MYBPC1: variants seen among roughly 807,000 people sequenced by gnomAD.
MYBPC1 encodes the protein myosin-binding protein C, slow-type.
MYBPC1 carries 52 observed loss-of-function variants against 147.1 expected under a neutral mutation model. The ratio of observed to expected loss-of-function variants is 0.35; its 90% CI spans 0.28 to 0.45. The LOEUF is 0.45. Ranked by LOEUF, MYBPC1 falls within the 20% of genes least tolerant of loss-of-function variation. The probability of loss-of-function intolerance (pLI) is 1.00; values close to 1 mark genes in which losing one functional copy is unlikely to be tolerated. For missense variants in MYBPC1, 1,228 were observed against 1,440.3 expected (o/e 0.85, Z 2.39); for synonymous variants, 477 against 475.9 (o/e 1.00, Z -0.03).
chr12:101,606,237 A>ACAG, intron 1 of MYBPC1, among the ~76,000 whole-genome samples: 1 of 123,458 alleles, frequency 8.1e-6, no homozygotes, highest in African/African-American at 3.6e-5. Flanking sequence ...CACACACACA[A>ACAG]GAATGCACAA....
intron 1 of MYBPC1, among the ~76,000 whole-genome samples, chr12:101,611,999 C>A (rs568813473): frequency 1.3e-5 from 2 of 151,806 alleles, no homozygotes; most frequent in South Asian, 4.2e-4. Context: ...ATTGCTTGAA[C>A]CCAGGAGGTG....
intron 3 of MYBPC1, among the ~76,000 whole-genome samples, chr12:101,620,349 T>C (rs1326469617): frequency 6.6e-6 from 1 of 152,224 alleles, no homozygotes; most frequent in Non-Finnish European, 1.5e-5. Flanking sequence ...GTATGCTCAG[T>C]GGGGCCAAAG....
At chr12:101,682,145 T>C (rs1337174885) in intron 29 of MYBPC1, among the ~76,000 whole-genome samples, 1 of 152,136 alleles carries the variant, frequency 6.6e-6, no homozygotes, top group Non-Finnish European at 1.5e-5. Flanking sequence ...ACTGCTAGCC[T>C]TATTAGTTCC....
At chr12:101,615,712 G>A (rs1386860215) in intron 2 of MYBPC1, among the ~76,000 whole-genome samples, 1 of 119,908 alleles carries the variant, frequency 8.3e-6, no homozygotes, top group Non-Finnish European at 1.6e-5. Context: ...CTTGTGAGTT[G>A]CTTAAACTGG....
intron 1 of MYBPC1, among the ~76,000 whole-genome samples, chr12:101,608,007 GCTGT>G (rs1274943928): frequency 5.3e-5 from 8 of 152,204 alleles, no homozygotes; most frequent in Non-Finnish European, 8.8e-5. Context: ...CACATATGGG[GCTGT>G]CTATTTCATA....
At chr12:101,635,839 A>G (rs994454795) in intron 9 of MYBPC1, among the ~76,000 whole-genome samples, 2 of 152,210 alleles carry the variant, frequency 1.3e-5, no homozygotes, top group African/African-American at 2.4e-5. Flanking sequence ...CAGGAAACAA[A>G]ACTTCCTTAA....
chr12:101,632,671 T>C (rs1264957835), intron 8 of MYBPC1, among the ~76,000 whole-genome samples: 1 of 152,158 alleles, frequency 6.6e-6, no homozygotes, highest in Non-Finnish European at 1.5e-5. Context: ...TGGCAGCAAA[T>C]ATTATAAACT....
At position 101,631,910 on chromosome 12, in the gene MYBPC1, A is replaced by G. The variant is rs1019353334; in HGVS notation, c.439-111A>G. On this transcript the variant is annotated intron_variant, in intron 7 of 31. Coordinates refer to ENST00000361466, the MANE Select transcript of MYBPC1 (RefSeq NM_002465.4). The stretch of plus-strand genomic sequence containing the variant: ...GGCTACAGGACACATTTGCCCTCCT[A>G]TAGTGAGAACATTGTACTGGAATTC... 3.9e-6 allele frequency: 5 copies of G among 1,287,228 alleles called. No homozygotes were observed. In the African/African-American group the frequency reaches 5.9e-5, roughly 15 times the overall value. 79.7% of individuals were successfully genotyped at this position (1,287,228 alleles called of 1,614,324 possible). A position where few individuals can be genotyped will look rare whatever the true frequency, so the allele number is the denominator to read the frequency against.
rs1265514566 is a variant in MYBPC1, at chr12:101,651,093, A to G, written c.1364-138A>G. 3.3e-6 allele frequency: 3 copies of G among 917,622 alleles called. No individual in the cohort carries two copies. In the African/African-American group the frequency reaches 5.0e-5, roughly 15 times the overall value. The allele number at this position is 917,622 out of a possible 1,614,324, so 56.8% of individuals were successfully genotyped here. Reference sequence around the variant, plus strand: ...ATCAAATGTGAAATTATCCTCTAATATATTAATTGCATTGGTACAGCTTCT... The same window carrying G: ...ATCAAATGTGAAATTATCCTCTAATGTATTAATTGCATTGGTACAGCTTCT... On this transcript the variant is annotated intron_variant, in intron 15 of 31. Coordinates refer to ENST00000361466, the MANE Select transcript of MYBPC1 (RefSeq NM_002465.4).
At chr12:101,596,768 AC>A (rs200661129) in intron 1 of MYBPC1, among the ~76,000 whole-genome samples, 3,333 of 151,902 alleles carry the variant, frequency 0.022, 136 homozygotes, top group African/African-American at 0.075. Flanking sequence ...TTCAGCCCCC[AC>A]CCCCCCAATA....
At chr12:101,669,109 GAAT>G (rs1212590094) in intron 23 of MYBPC1, among the ~76,000 whole-genome samples, 1 of 151,990 alleles carries the variant, frequency 6.6e-6, no homozygotes, top group Admixed American at 6.5e-5. Context: ...ACAAGAATAA[GAAT>G]AATAACTTTC....
chr12:101,604,018 G>A (rs1343200421), intron 1 of MYBPC1, among the ~76,000 whole-genome samples: 3 of 152,166 alleles, frequency 2.0e-5, no homozygotes, highest in Non-Finnish European at 4.4e-5. Flanking sequence ...AATTGCTTTT[G>A]CAATAATTTC....
chr12:101,639,781 A>G (rs1891666623), intron 10 of MYBPC1, among the ~76,000 whole-genome samples: 1 of 152,076 alleles, frequency 6.6e-6, no homozygotes, highest in African/African-American at 2.4e-5. Context: ...TTTTAATTAT[A>G]TCTAGCTTGA....
intron 2 of MYBPC1, among the ~76,000 whole-genome samples, chr12:101,615,378 G>A (rs1353730185): frequency 6.6e-6 from 1 of 152,048 alleles, no homozygotes; most frequent in African/African-American, 2.4e-5. Context: ...TCCTTGAAAA[G>A]GATGAGAAAC....
intron 1 of MYBPC1, among the ~76,000 whole-genome samples, chr12:101,601,975 T>C (rs1355509951): frequency 6.6e-6 from 1 of 152,238 alleles, no homozygotes; most frequent in Admixed American, 6.5e-5. Context: ...ACACAGTATG[T>C]GTCTTGGCTT....
At chr12:101,694,526 T>G in the MYBPC1 span, among the ~76,000 whole-genome samples, 3 of 152,140 alleles carry the variant, frequency 2.0e-5, no homozygotes, top group Admixed American at 2.0e-4. Context: ...ATTAGTGCCT[T>G]TATAAGGACT....
chr12:101,654,951 G>T (rs972425792), intron 18 of MYBPC1, among the ~76,000 whole-genome samples: 1 of 152,068 alleles, frequency 6.6e-6, no homozygotes, highest in Admixed American at 6.5e-5. Context: ...TCAAAACAAA[G>T]CTCAAGATTT....
chr12:101,609,632 A>C (rs1473036879), intron 1 of MYBPC1, among the ~76,000 whole-genome samples: 2 of 152,142 alleles, frequency 1.3e-5, no homozygotes, highest in African/African-American at 4.8e-5. Flanking sequence ...CAGATCCCTA[A>C]GTGATTAATA....
At chr12:101,674,945 T>C (rs1272884800) in intron 25 of MYBPC1, among the ~76,000 whole-genome samples, 2 of 151,824 alleles carry the variant, frequency 1.3e-5, no homozygotes, top group Admixed American at 6.6e-5. Context: ...TTGTTATCAT[T>C]GTATTTCAGT....
Sources: allele counts gnomAD v4.1 joint callset (sites outside exome capture counted in the v4.1 genomes callset), GRCh38; gene constraint gnomAD v4.1.1; transcripts MANE v1.5; gene names NCBI Gene and HGNC (gene_info 2026-07-23, HGNC 2026-07-21).